XIAP: variants seen among roughly 807,000 people sequenced by gnomAD.
XIAP encodes the protein E3 ubiquitin-protein ligase XIAP.
Under a neutral mutation model 33.1 loss-of-function variants are expected in XIAP, and 3 were observed. The ratio of observed to expected loss-of-function variants is 0.09; its 90% CI spans 0.04 to 0.23. The LOEUF is 0.23. XIAP is among the 10% of genes least tolerant of loss of function. XIAP has a pLI of 1.00. For missense variants in XIAP, 264 were observed against 363.0 expected (o/e 0.73, Z 2.22); for synonymous variants, 98 against 121.3 (o/e 0.81, Z 1.26).
At chrX:123,875,113 C>G (rs2053232698) in intron 1 of XIAP, among the ~76,000 whole-genome samples, 1 of 106,094 alleles carries the variant, frequency 9.4e-6, no homozygotes, top group African/African-American at 3.4e-5. Context: ...ACCTCTGCCT[C>G]CCAGGTTCAA....
intron 5 of XIAP, among the ~76,000 whole-genome samples, chrX:123,899,221 T>G (rs754648363): frequency 3.8e-4 from 17 of 44,466 alleles, no homozygotes; most frequent in African/African-American, 1.4e-3. Flanking sequence ...ATATATGATT[T>G]TGTATATATA....
chrX:123,896,428 T>A (rs1233573431), intron 5 of XIAP, among the ~76,000 whole-genome samples: 1 of 111,456 alleles, frequency 9.0e-6, no homozygotes, highest in African/African-American at 3.3e-5. Context: ...ATGGGTTATC[T>A]TTTTGTTATT....
chrX:123,862,087 T>A (rs1164452387), intron 1 of XIAP, among the ~76,000 whole-genome samples: 3 of 110,710 alleles, frequency 2.7e-5, no homozygotes, highest in South Asian at 3.8e-4. Flanking sequence ...TTAATTAATT[T>A]TTTTTTTTGA....
intron 1 of XIAP, among the ~76,000 whole-genome samples, chrX:123,867,050 T>C (rs371724105): frequency 2.2e-3 from 70 of 32,549 alleles, no homozygotes; most frequent in Middle Eastern, 0.01. Flanking sequence ...CCCCCCCCCC[T>C]TCAACATTCT....
At chrX:123,903,376 C>T (rs2053531463) in intron 6 of XIAP, among the ~76,000 whole-genome samples, 1 of 108,077 alleles carries the variant, frequency 9.3e-6, no homozygotes, top group Non-Finnish European at 1.9e-5. Context: ...TTAGTAGAGA[C>T]GGGGTTTCTC....
chrX:123,884,435 A>G (rs921523791), intron 1 of XIAP, among the ~76,000 whole-genome samples: 1 of 109,166 alleles, frequency 9.2e-6, no homozygotes, highest in Non-Finnish European at 1.9e-5. Context: ...ATGAACCAGT[A>G]TCACACCATT....
At chrX:123,901,012 A>T (rs1334294170) in intron 6 of XIAP, among the ~76,000 whole-genome samples, 1 of 111,251 alleles carries the variant, frequency 9.0e-6, no homozygotes, top group Non-Finnish European at 1.9e-5. Flanking sequence ...TTGGGATTGG[A>T]TGGGACAAGA....
In XIAP at chrX:123,907,167, A is replaced by G. The variant is rs775283043; in HGVS notation, c.1480A>G (p.Ile494Val). ...CACAGTCATTACTTTCAAGCAAAAA[A>G]TTTTTATGTCTTAATCTAACTCTAT... ...CYTVITFKQK[I>V]FMS Residue 494 changes from isoleucine (I) to valine (V), a missense_variant, in exon 7 of 7, where the codon ATT (isoleucine) becomes GTT (valine). Ile to Val is a conservative substitution (Grantham distance 29). Coordinates refer to ENST00000371199, the MANE Select transcript of XIAP (RefSeq NM_001167.4). 8.3e-7 allele frequency: 1 copy of G among 1,208,286 alleles called. No individual in the cohort carries two copies. The highest frequency in any genetic ancestry group is 2.2e-5 in the Admixed American group (1 of 45,958).
chrX:123,882,983 C>T (rs184482808), intron 1 of XIAP, among the ~76,000 whole-genome samples: 30 of 109,853 alleles, frequency 2.7e-4, no homozygotes, highest in Non-Finnish European at 5.1e-4. Context: ...TTAGTAGAGA[C>T]GGGGTTTCTC....
At chrX:123,901,331 G>C (rs986114612) in intron 6 of XIAP, among the ~76,000 whole-genome samples, 1 of 111,433 alleles carries the variant, frequency 9.0e-6, no homozygotes, top group Non-Finnish European at 1.9e-5. Flanking sequence ...GCTGCAGTGA[G>C]CCATGATCAT....
At position 123,885,617 on chromosome X, in the gene XIAP, TG is replaced by T; in HGVS notation, c.-32-13del. 8.4e-7 allele frequency: 1 copy of T among 1,186,273 alleles called. No homozygotes were observed. On this transcript the variant is annotated splice_polypyrimidine_tract_variant and intron_variant, in intron 1 of 6. Coordinates refer to ENST00000371199, the MANE Select transcript of XIAP (RefSeq NM_001167.4). The stretch of plus-strand genomic sequence containing the variant: ...TCACATTTTGGATTTCCTAATATAA[TG>T]TTCTCTTTTTAGAAAAGGTGGACAA...
At chrX:123,877,147 C>T (rs2053253386) in intron 1 of XIAP, among the ~76,000 whole-genome samples, 1 of 108,601 alleles carries the variant, frequency 9.2e-6, no homozygotes, top group South Asian at 4.0e-4. Flanking sequence ...CTCACTGCAA[C>T]CCCCGCCTTC....
Position 123,860,263 on chromosome X carries a change from C to T in XIAP, c.-63C>T. 3.0e-6 allele frequency: 1 copy of T among 328,762 alleles called. No homozygotes were observed. Among genetic ancestry groups the T allele is most frequent in the East Asian group, 9.8e-5 (1 of 10,221 alleles). The allele number at this position is 328,762 out of a possible 1,213,427, so 27.1% of individuals were successfully genotyped here. On this transcript the variant is annotated 5_prime_UTR_variant, in exon 1 of 7. Coordinates refer to ENST00000371199, the MANE Select transcript of XIAP (RefSeq NM_001167.4). ...TCCCCTTGGACCGAGCCGATCGCCGCGGGGCAGTTCGGGCCGGCTGTCCTG... is the reference window on the plus strand; with the variant it reads ...TCCCCTTGGACCGAGCCGATCGCCGTGGGGCAGTTCGGGCCGGCTGTCCTG...
chrX:123,909,050 G>A lies in XIAP; in HGVS notation c.*1869G>A, dbSNP rs1225539193. On this transcript the variant is annotated 3_prime_UTR_variant, in exon 7 of 7. Transcript: ENST00000371199. ...TTTATTTATTTAATTTTCTTTTTGA[G>A]ATGGAGTCTTGCTTGTCACCCAGGC... 3.5e-5 allele frequency: 10 copies of A among 287,029 alleles called. No individual in the cohort carries two copies. The East Asian group carries it at 9.1e-4, about 26-fold the overall frequency. The allele number at this position is 287,029 out of a possible 1,213,427, so 23.7% of individuals were successfully genotyped here.
At chrX:123,869,362 C>CAAAAAAAAACAAAAA (rs2053172229) in intron 1 of XIAP, among the ~76,000 whole-genome samples, 1 of 29,723 alleles carries the variant, frequency 3.4e-5, no homozygotes, top group Non-Finnish European at 5.6e-5. Flanking sequence ...TAAAAAAATA[C>CAAAAAAAAACAAAAA]AAAAAAAAAA....
chrX:123,899,144 A>AAAAAAAATATATATATAT (rs1186271285), intron 5 of XIAP, among the ~76,000 whole-genome samples: 1 of 50,184 alleles, frequency 2.0e-5, no homozygotes, highest in African/African-American at 8.4e-5. Flanking sequence ...AAAAAAAAAA[A>AAAAAAAATATATATATAT]ATATATATAT....
chrX:123,872,686 A>C (rs1350158828), intron 1 of XIAP: 1 of 110,868 alleles, frequency 9.0e-6, no homozygotes, highest in East Asian at 2.8e-4. Context: ...AGACTCCATC[A>C]CAAAAAAAGA....
At chrX:123,887,941 G>A (rs1044395912) in intron 2 of XIAP, among the ~76,000 whole-genome samples, 1 of 109,098 alleles carries the variant, frequency 9.2e-6, no homozygotes, top group African/African-American at 3.3e-5. Context: ...CCGTGATCGC[G>A]CCATTGCACT....
Position 123,877,756 on chromosome X carries a change from G to A in XIAP, c.-32-7875G>A, listed in dbSNP as rs183298103. 5.6e-3 allele frequency among the ~76,000 whole-genome samples: 619 copies of A among 110,827 alleles called. 3 individuals carry two copies. Among genetic ancestry groups the A allele is most frequent in the African/African-American group, 0.019 (579 of 30,535 alleles). ...TGGGAGGCTGAGGCGGGTGGATCAC[G>A]AGGTCAGGAGGTCGAGACCATCCTG... On this transcript the variant is annotated intron_variant, in intron 1 of 6. Coordinates refer to ENST00000371199, the MANE Select transcript of XIAP (RefSeq NM_001167.4).
Sources: gnomAD v4.1 joint callset for allele counts (sites outside exome capture counted in the v4.1 genomes callset) on GRCh38, gnomAD v4.1.1 for gene constraint, MANE v1.5 for transcripts, NCBI Gene and HGNC (gene_info 2026-07-23, HGNC 2026-07-21) for gene names.